Variants in MAGI2 observed in about 807,000 individuals in gnomAD.
MAGI2 encodes the protein membrane associated guanylate kinase, WW and PDZ domain containing 2, also known as membrane-associated guanylate kinase, WW and PDZ domain-containing protein 2.
MAGI2 carries 35 observed loss-of-function variants against 133.3 expected under a neutral mutation model. The ratio of observed to expected loss-of-function variants is 0.26; its 90% CI spans 0.20 to 0.35. The LOEUF (loss-of-function observed/expected upper bound fraction) is 0.35, where lower values mean the gene tolerates loss of function less well. Ranked by LOEUF, MAGI2 falls within the 10% of genes least tolerant of loss-of-function variation. The pLI is 1.00. For synonymous variants in MAGI2, 729 were observed against 710.6 expected (o/e 1.03, Z -0.41); for missense variants, 1,636 against 1,863.4 (o/e 0.88, Z 2.25).
intron 6 of MAGI2, among the ~76,000 whole-genome samples, chr7:78,371,194 A>G (rs10237362): frequency 0.21 from 32,606 of 151,838 alleles, 3,634 homozygotes; most frequent in Middle Eastern, 0.24. Context: ...TGGCAAATTC[A>G]TCTAGTAAAA....
chr7:78,406,014 A>G (rs1487009749), intron 6 of MAGI2, among the ~76,000 whole-genome samples: 2 of 152,030 alleles, frequency 1.3e-5, no homozygotes. Flanking sequence ...TCAGAGGACC[A>G]CAGAAAAAGT....
chr7:79,086,744 T>C lies in MAGI2; in HGVS notation c.302-79538A>G, dbSNP rs547359959. Among the ~76,000 whole-genome samples the C allele has an allele frequency of 2.6e-4, 40 of 151,952 alleles. No individual in the cohort carries two copies. In the South Asian group the frequency reaches 8.3e-3, roughly 31 times the overall value. ...TCTTCCCAATTGAAAACACTGAGAA[T>C]AAAAATATTTCTTTAAAATGTAGGT... On this transcript the variant is annotated intron_variant, in intron 1 of 21. Coordinates refer to ENST00000354212, the MANE Select transcript of MAGI2 (RefSeq NM_012301.4).
intron 13 of MAGI2, among the ~76,000 whole-genome samples, chr7:78,182,674 T>C (rs952453395): frequency 3.3e-5 from 5 of 152,230 alleles, no homozygotes; most frequent in African/African-American, 1.2e-4. Flanking sequence ...CCAAATTAAA[T>C]GGCCTCTTTT....
chr7:78,659,424 C>CAAAAAAAAAAAAAAAAAAAAAAAAAA lies in MAGI2; in HGVS notation c.419-32211_419-32186dup, dbSNP rs71085553. Among the ~76,000 whole-genome samples, 4 of 23,676 alleles carry CAAAAAAAAAAAAAAAAAAAAAAAAAA rather than the reference C, an allele frequency of 1.7e-4. 1 individual carries two copies. The highest frequency in any genetic ancestry group is 2.1e-4 in the Non-Finnish European group (3 of 14,250). 15.5% of individuals were successfully genotyped at this position (23,676 alleles called of 152,430 possible). On this transcript the variant is annotated intron_variant, in intron 2 of 21. Transcript: ENST00000354212. ...TGGGCAACAAAGTGAGACTTCATCT[C>CAAAAAAAAAAAAAAAAAAAAAAAAAA]AAAAAAAAAAAAAAAAAAAAAAAAA...
chr7:78,264,371 C>CT (rs1171620443), intron 9 of MAGI2, among the ~76,000 whole-genome samples: 1 of 152,170 alleles, frequency 6.6e-6, no homozygotes, highest in Non-Finnish European at 1.5e-5. Flanking sequence ...GTTGAGGACT[C>CT]TTTTGTGTCC....
At chr7:78,564,350 A>G (rs1209246062) in intron 3 of MAGI2, among the ~76,000 whole-genome samples, 3 of 152,204 alleles carry the variant, frequency 2.0e-5, no homozygotes, top group Non-Finnish European at 4.4e-5. Flanking sequence ...AAAATATAAG[A>G]AAAACATTCT....
Position 78,314,875 on chromosome 7 carries a change from G to C in MAGI2, c.1408+28903C>G, listed in dbSNP as rs942086577. ...TGACTCTATTCGATTGTATTCAATT[G>C]ATTGTGGTTGTTTCTATTAGAGGAT... On this transcript the variant is annotated intron_variant, in intron 9 of 21. Coordinates refer to ENST00000354212, the MANE Select transcript of MAGI2 (RefSeq NM_012301.4). 5.9e-5 allele frequency among the ~76,000 whole-genome samples: 9 copies of C among 152,278 alleles called. No homozygotes were observed. The South Asian group carries it at 1.0e-3, about 18-fold the overall frequency.
chr7:79,296,408 A>G (rs1836932682), intron 1 of MAGI2, among the ~76,000 whole-genome samples: 1 of 152,246 alleles, frequency 6.6e-6, no homozygotes, highest in Non-Finnish European at 1.5e-5. Flanking sequence ...GGCACTATTC[A>G]TAATAGCCAA....
chr7:78,592,986 A>T lies in MAGI2; in HGVS notation c.538+34134T>A, dbSNP rs182223867. Among the ~76,000 whole-genome samples the T allele has an allele frequency of 2.8e-3, 418 of 151,826 alleles. 5 individuals are homozygous for T. Among genetic ancestry groups the T allele is most frequent in the African/African-American group, 9.7e-3 (400 of 41,394 alleles). ...AGTAGCTGGATCACAGGTACTTGCC[A>T]CCACACCAAGCATTTTTGTATTTTT... On this transcript the variant is annotated intron_variant, in intron 3 of 21. Coordinates refer to ENST00000354212, the MANE Select transcript of MAGI2 (RefSeq NM_012301.4).
At chr7:79,351,168 G>A (rs189832841) in intron 1 of MAGI2, among the ~76,000 whole-genome samples, 121 of 152,102 alleles carry the variant, frequency 8.0e-4, no homozygotes, top group Non-Finnish European at 1.2e-3. Context: ...CATGCTTAAC[G>A]TTAAAGAATG....
intron 6 of MAGI2, among the ~76,000 whole-genome samples, chr7:78,462,112 C>G (rs1213874916): frequency 1.3e-5 from 2 of 151,874 alleles, no homozygotes; most frequent in Non-Finnish European, 2.9e-5. Context: ...TTATTTAAAA[C>G]TCAATTTTTG....
chr7:79,322,811 A>C (rs945781901), intron 1 of MAGI2, among the ~76,000 whole-genome samples: 17 of 149,016 alleles, frequency 1.1e-4, no homozygotes, highest in Middle Eastern at 3.4e-3. Flanking sequence ...AAAAAGAAAA[A>C]GAAGTCCTAT....
chr7:78,342,052 A>G (rs184355535), intron 9 of MAGI2, among the ~76,000 whole-genome samples: 2 of 152,194 alleles, frequency 1.3e-5, no homozygotes, highest in South Asian at 2.1e-4. Flanking sequence ...AGTTTTTGCA[A>G]TCTACCCATC....
chr7:78,458,274 G>C (rs1478608067), intron 6 of MAGI2, among the ~76,000 whole-genome samples: 1 of 127,292 alleles, frequency 7.9e-6, no homozygotes, highest in African/African-American at 2.8e-5. Context: ...CCAGCCTGGA[G>C]ACAGGGCAAA....
intron 2 of MAGI2, among the ~76,000 whole-genome samples, chr7:79,006,250 C>G (rs150503505): frequency 6.6e-6 from 1 of 152,014 alleles, no homozygotes; most frequent in Admixed American, 6.6e-5. Flanking sequence ...CCTTTCAGGA[C>G]TCATAGCTTT....
chr7:79,101,581 A>G (rs1349913775), intron 1 of MAGI2, among the ~76,000 whole-genome samples: 4 of 151,912 alleles, frequency 2.6e-5, no homozygotes, highest in Admixed American at 6.6e-5. Context: ...AAAATTAGGC[A>G]GGCGTGGTGG....
At chr7:78,204,010 T>A (rs1233912422) in intron 10 of MAGI2, among the ~76,000 whole-genome samples, 1 of 152,192 alleles carries the variant, frequency 6.6e-6, no homozygotes, top group African/African-American at 2.4e-5. Flanking sequence ...AAATCAAAAC[T>A]GTCAAGTCCT....
intron 1 of MAGI2, among the ~76,000 whole-genome samples, chr7:79,214,332 C>A (rs1829768916): frequency 7.4e-6 from 1 of 134,564 alleles, no homozygotes; most frequent in African/African-American, 2.8e-5. Flanking sequence ...GCATCTATGC[C>A]CAGGACATGT....
intron 10 of MAGI2, among the ~76,000 whole-genome samples, chr7:78,203,851 A>G (rs1402088853): frequency 6.6e-6 from 1 of 152,220 alleles, no homozygotes; most frequent in Non-Finnish European, 1.5e-5. Flanking sequence ...CAGAAGGTCA[A>G]ATTTTCTATG....
Sources: allele counts gnomAD v4.1 joint callset (sites outside exome capture counted in the v4.1 genomes callset), GRCh38; gene constraint gnomAD v4.1.1; transcripts MANE v1.5; gene names NCBI Gene and HGNC (gene_info 2026-07-23, HGNC 2026-07-21).